CRB1: variants seen among roughly 807,000 people sequenced by gnomAD.
CRB1 encodes protein crumbs homolog 1.
A neutral mutation model predicts 120.0 loss-of-function variants in CRB1; 83 were observed. The ratio of observed to expected loss-of-function variants is 0.69; its 90% confidence interval spans 0.58 to 0.83. The LOEUF is 0.83. Ranked by LOEUF, CRB1 falls within the 40% of genes least tolerant of loss-of-function variation. The pLI is 0.00. For synonymous variants in CRB1, 625 were observed against 612.5 expected (o/e 1.02, Z -0.30); for missense variants, 1,699 against 1,687.6 (o/e 1.01, Z -0.12).
chr1:197,454,342 A>T (rs970965431), intron 11 of CRB1, among the ~76,000 whole-genome samples: 8 of 152,170 alleles, frequency 5.3e-5, no homozygotes, highest in Admixed American at 4.6e-4. Flanking sequence ...GAAATTGTTC[A>T]TAAATGTTAT....
At chr1:197,250,848 A>G in the CRB1 span, among the ~76,000 whole-genome samples, 20 of 152,030 alleles carry the variant, frequency 1.3e-4, no homozygotes, top group Admixed American at 9.2e-4. Flanking sequence ...TGGTTTTTGT[A>G]TGGTATGGTT....
intron 3 of CRB1, among the ~76,000 whole-genome samples, chr1:197,345,585 C>T (rs1304655303): frequency 6.8e-6 from 1 of 147,746 alleles, no homozygotes; most frequent in African/African-American, 2.5e-5. Flanking sequence ...CTTGGTTCAC[C>T]GCAACCTCCG....
At chr1:197,250,713 A>C in the CRB1 span, among the ~76,000 whole-genome samples, 1 of 151,892 alleles carries the variant, frequency 6.6e-6, no homozygotes, top group African/African-American at 2.4e-5. Flanking sequence ...TGTCTAATTT[A>C]CTTTTGTATC....
At chr1:197,305,687 G>A (rs1000036652) in intron 1 of CRB1, among the ~76,000 whole-genome samples, 10 of 151,792 alleles carry the variant, frequency 6.6e-5, no homozygotes, top group African/African-American at 1.7e-4. Context: ...CCTCCTTAAC[G>A]TCTTGATAAT....
At chr1:197,344,535 A>G in intron 3 of CRB1, 59 bp downstream of exon 3, 6 of 1,514,434 alleles carry the variant, frequency 4.0e-6, no homozygotes, top group Non-Finnish European at 5.5e-6. Flanking sequence ...GAACTATTTT[A>G]CCACTCTGTT....
intron 5 of CRB1, among the ~76,000 whole-genome samples, chr1:197,364,882 A>G (rs2125370064): frequency 6.6e-6 from 1 of 152,174 alleles, no homozygotes; most frequent in Admixed American, 6.5e-5. Context: ...CTCTGGGTTG[A>G]CATCATTTCA....
the CRB1 span, among the ~76,000 whole-genome samples, chr1:197,252,562 ATATATATATATATATATATATG>A: frequency 4.8e-5 from 2 of 41,598 alleles, no homozygotes; most frequent in African/African-American, 1.3e-4. Context: ...ATATATATAT[ATATATATATATATATATATATG>A]TGTGTGTGTG....
chr1:197,431,305 GA>G (rs1664858730), intron 8 of CRB1, among the ~76,000 whole-genome samples: 1 of 152,016 alleles, frequency 6.6e-6, no homozygotes, highest in African/African-American at 2.4e-5. Context: ...AAGTTCTCTA[GA>G]AAAACGTATA....
intron 11 of CRB1, among the ~76,000 whole-genome samples, chr1:197,477,170 T>C (rs1281152534): frequency 6.6e-6 from 1 of 152,174 alleles, no homozygotes; most frequent in Non-Finnish European, 1.5e-5. Flanking sequence ...TCACAGTCCC[T>C]CCTCTGTGTC....
At chr1:197,260,824 G>C in the CRB1 span, among the ~76,000 whole-genome samples, 1 of 151,822 alleles carries the variant, frequency 6.6e-6, no homozygotes, top group African/African-American at 2.4e-5. Flanking sequence ...AGCCTCCCAA[G>C]TAGCTGGGAC....
rs1264465040 is a variant in CRB1, at chr1:197,442,305, T to C, written c.4005+13T>C. Reference sequence around the variant, plus strand: ...CTGCGAGGTGGACGTAAGCAGCCTCTCCTTTTATGTCTCTCTCTTATTCTG... The same window carrying C: ...CTGCGAGGTGGACGTAAGCAGCCTCCCCTTTTATGTCTCTCTCTTATTCTG... On this transcript the variant is annotated intron_variant, in intron 11 of 11. Coordinates refer to ENST00000367400, the MANE Select transcript of CRB1 (RefSeq NM_201253.3). 3.7e-6 allele frequency: 6 copies of C among 1,614,052 alleles called. No individual in the cohort carries two copies. The highest frequency in any genetic ancestry group is 1.7e-5 in the Admixed American group (1 of 59,996).
intron 5 of CRB1, among the ~76,000 whole-genome samples, chr1:197,387,706 A>C (rs1662288542): frequency 6.6e-6 from 1 of 151,994 alleles, no homozygotes; most frequent in Non-Finnish European, 1.5e-5. Context: ...TTTTTTTCTA[A>C]AAAGTTTGTT....
At chr1:197,355,381 C>G (rs921993447) in intron 4 of CRB1, among the ~76,000 whole-genome samples, 4 of 152,194 alleles carry the variant, frequency 2.6e-5, no homozygotes, top group Non-Finnish European at 4.4e-5. Flanking sequence ...CCGCCAGTCC[C>G]GCGCAGTGCG....
the CRB1 span, chr1:197,222,909 A>G: frequency 8.7e-7 from 1 of 1,145,286 alleles, no homozygotes; most frequent in Non-Finnish European, 1.3e-6. Flanking sequence ...TGAACAATTC[A>G]TAGTTGCTTC....
intron 5 of CRB1, among the ~76,000 whole-genome samples, chr1:197,408,860 C>G (rs1245414776): frequency 6.6e-6 from 1 of 152,184 alleles, no homozygotes; most frequent in East Asian, 1.9e-4. Flanking sequence ...TGAGCATGTG[C>G]AGTGCTGTAC....
rs571591819 is a variant in CRB1 at position 197,328,413 on chromosome 1, T to A, written c.71-9T>A. On this transcript the variant is annotated splice_polypyrimidine_tract_variant and intron_variant, in intron 1 of 11. Transcript: ENST00000367400. Reference sequence around the variant, plus strand: ...AAATTTAATCTTGTTACTTTTTATTTCCTTGTAGATTCCTTTTGCAATAAA... The same window carrying A: ...AAATTTAATCTTGTTACTTTTTATTACCTTGTAGATTCCTTTTGCAATAAA... 26 of 1,599,668 alleles carry A rather than the reference T, an allele frequency of 1.6e-5. No individual in the cohort carries two copies. Among genetic ancestry groups the A allele is most frequent in the Non-Finnish European group, 2.1e-5 (25 of 1,167,326 alleles).
intron 1 of CRB1, among the ~76,000 whole-genome samples, chr1:197,292,607 A>C (rs532198892): frequency 4.6e-5 from 7 of 152,264 alleles, no homozygotes; most frequent in African/African-American, 1.4e-4. Context: ...ACACAACAAA[A>C]AAAAGAGAAT....
rs1667197843 is a variant in CRB1, at chr1:197,476,383, T to C, written c.4006-1281T>C. Among the ~76,000 whole-genome samples the C allele has an allele frequency of 2.1e-5, 3 of 140,360 alleles. No individual in the cohort carries two copies. The Admixed American group carries it at 2.3e-4, about 11-fold the overall frequency. The allele number at this position is 140,360 out of a possible 152,430, so 92.1% of individuals were successfully genotyped here. A position where few individuals can be genotyped will look rare whatever the true frequency, so the allele number is the denominator to read the frequency against. Reference sequence around the variant, plus strand: ...TTATTTGTGTGTGTGTGTGTGTGTGTGTGTGTGTGTGTGTGCGCGTCTTCC... The same window carrying C: ...TTATTTGTGTGTGTGTGTGTGTGTGCGTGTGTGTGTGTGTGCGCGTCTTCC... On this transcript the variant is annotated intron_variant, in intron 11 of 11. Coordinates refer to ENST00000367400, the MANE Select transcript of CRB1 (RefSeq NM_201253.3).
rs562386611 is a variant in CRB1, at chr1:197,427,905, A to G, written c.2580A>G (p.Gln860=). The G allele has an allele frequency of 9.9e-6, 16 of 1,614,024 alleles. No individual in the cohort carries two copies. The Admixed American group carries it at 2.5e-4, about 25-fold the overall frequency. ...TCCAAGATGTAAGACTAAACAACCA[A>G]AATCTGGAATTCTTTCCAAATCCAA... ...GCIQDVRLNN[Q]NLEFFPNPTN... The change falls in exon 7 of 12, where the codon CAA becomes CAG. Residue 860 remains glutamine (Q), a synonymous_variant. Transcript: ENST00000367400.
Sources: gnomAD v4.1 joint callset for allele counts (sites outside exome capture counted in the v4.1 genomes callset) on GRCh38, gnomAD v4.1.1 for gene constraint, MANE v1.5 for transcripts, NCBI Gene and HGNC (gene_info 2026-07-23, HGNC 2026-07-21) for gene names.